The following EDA variants were observed in gnomAD, a reference collection of about 807,000 sequenced individuals.
EDA encodes ectodysplasin-A.
In EDA, 2 loss-of-function variants were observed where a neutral mutation model predicts 23.6. That is an observed-to-expected ratio of 0.08 (90% CI 0.03 to 0.27). The LOEUF (loss-of-function observed/expected upper bound fraction) is 0.27. Ranked by LOEUF, EDA falls within the 10% of genes least tolerant of loss-of-function variation. The probability of loss-of-function intolerance (pLI) is 1.00; values close to 1 mark genes in which losing one functional copy is unlikely to be tolerated. For synonymous variants in EDA, 131 were observed against 132.0 expected, an observed-to-expected ratio of 0.99 and a Z score of 0.05; for missense variants, 229 against 324.2, an observed-to-expected ratio of 0.71 and a Z score of 2.26.
At chrX:69,748,849 A>C (rs2013709785) in intron 1 of EDA, among the ~76,000 whole-genome samples, 1 of 112,113 alleles carries the variant, frequency 8.9e-6, no homozygotes, top group South Asian at 3.7e-4. Context: ...AACAGTACCC[A>C]TGTCAGTGTT....
At chrX:69,921,263 A>G (rs886739570) in intron 1 of EDA, among the ~76,000 whole-genome samples, 1 of 111,563 alleles carries the variant, frequency 9.0e-6, no homozygotes, top group Admixed American at 9.6e-5. Context: ...TGGGTATTAC[A>G]AAACAAGATC....
At chrX:69,918,164 T>C (rs968610718) in intron 1 of EDA, among the ~76,000 whole-genome samples, 1 of 94,416 alleles carries the variant, frequency 1.1e-5, no homozygotes. Context: ...TTTTTTTTTT[T>C]TTTTTTTTTC....
intron 2 of EDA, among the ~76,000 whole-genome samples, chrX:69,982,359 A>G (rs184265283): frequency 2.5e-4 from 28 of 111,443 alleles, no homozygotes; most frequent in African/African-American, 8.1e-4. Context: ...AAAGGGCTTT[A>G]CAAACCCACA....
At chrX:70,027,479 G>A (rs757750555) in intron 3 of EDA, among the ~76,000 whole-genome samples, 3 of 111,534 alleles carry the variant, frequency 2.7e-5, no homozygotes, top group South Asian at 3.8e-4. Context: ...TGTGTCCTCA[G>A]AAGTCTGTAG....
rs139051864 is a variant in EDA at position 69,880,729 on chromosome X, C to T, written c.397-76298C>T. Among the ~76,000 whole-genome samples the T allele has an allele frequency of 4.0e-4, 45 of 112,210 alleles. No individual in the cohort carries two copies. In the East Asian group the frequency reaches 0.012, roughly 29 times the overall value. ...ATGGATCATAGTTACTGGGCTTTAC[C>T]TGTTCCCATTGGGCCTTGGTTAGGG... On this transcript the variant is annotated intron_variant, in intron 1 of 7. Transcript: ENST00000374552.
At chrX:69,791,766 C>T (rs1036456582) in intron 1 of EDA, among the ~76,000 whole-genome samples, 5 of 110,160 alleles carry the variant, frequency 4.5e-5, no homozygotes, top group Non-Finnish European at 9.5e-5. Context: ...GGCTCAGGCT[C>T]CTGAGTAGCT....
intron 1 of EDA, among the ~76,000 whole-genome samples, chrX:69,706,370 T>G (rs1369666391): frequency 8.9e-6 from 1 of 111,870 alleles, no homozygotes; most frequent in Non-Finnish European, 1.9e-5. Flanking sequence ...GATGGGAAAA[T>G]AAGCAAAAAG....
intron 1 of EDA, among the ~76,000 whole-genome samples, chrX:69,897,294 G>A (rs1160352268): frequency 3.6e-5 from 4 of 111,396 alleles, no homozygotes; most frequent in Non-Finnish European, 7.5e-5. Context: ...TCATTCTTTA[G>A]CCAGAGGTAT....
In EDA at chrX:69,764,234, C is replaced by CTTTTTTTT. The variant is rs1189179243; in HGVS notation, c.396+147549_396+147556dup. Among the ~76,000 whole-genome samples the CTTTTTTTT allele has an allele frequency of 2.0e-4, 9 of 44,545 alleles. 1 individual carries two copies. Among genetic ancestry groups the CTTTTTTTT allele is most frequent in the Admixed American group, 3.9e-4 (1 of 2,547 alleles). The allele number at this position is 44,545 out of a possible 115,157, so 38.7% of individuals were successfully genotyped here. On this transcript the variant is annotated intron_variant, in intron 1 of 7. Coordinates refer to ENST00000374552, the MANE Select transcript of EDA (RefSeq NM_001399.5). ...CTACCACTCCCATTCATTTTTTATT[C>CTTTTTTTT]TTTTTTTTTTTTTTTTTTTTTTTTT...
intron 1 of EDA, among the ~76,000 whole-genome samples, chrX:69,752,253 C>G (rs899971983): frequency 9.0e-6 from 1 of 111,537 alleles, no homozygotes; most frequent in Non-Finnish European, 1.9e-5. Context: ...TACATCCCAT[C>G]AGTACCTAGT....
intron 1 of EDA, among the ~76,000 whole-genome samples, chrX:69,841,943 G>A (rs900440626): frequency 5.7e-4 from 64 of 112,156 alleles, no homozygotes; most frequent in African/African-American, 1.9e-3. Context: ...GGTTATTTCA[G>A]TCTTGTCATT....
intron 2 of EDA, among the ~76,000 whole-genome samples, chrX:69,999,437 A>G (rs2019707615): frequency 9.1e-6 from 1 of 109,660 alleles, no homozygotes. Flanking sequence ...ATATGGTGAA[A>G]CCCCATCTCT....
chrX:69,741,251 C>T (rs959623694), intron 1 of EDA, among the ~76,000 whole-genome samples: 1 of 111,024 alleles, frequency 9.0e-6, no homozygotes, highest in African/African-American at 3.3e-5. Context: ...CACACTTTAC[C>T]CATTCTTTGC....
At chrX:69,838,282 T>C (rs763924847) in intron 1 of EDA, among the ~76,000 whole-genome samples, 2 of 113,105 alleles carry the variant, frequency 1.8e-5, no homozygotes, top group African/African-American at 6.4e-5. Flanking sequence ...CTACAAATGA[T>C]CTTTACATTA....
chrX:69,957,830 T>C (rs1339864922), intron 2 of EDA, among the ~76,000 whole-genome samples: 1 of 112,171 alleles, frequency 8.9e-6, no homozygotes, highest in African/African-American at 3.2e-5. Context: ...TTACATGATG[T>C]GTTAATTCCA....
intron 1 of EDA, among the ~76,000 whole-genome samples, chrX:69,755,968 C>T (rs906275246): frequency 8.9e-6 from 1 of 112,220 alleles, no homozygotes; most frequent in African/African-American, 3.2e-5. Flanking sequence ...TCTGTCACAG[C>T]TTCCCTTTGC....
intron 1 of EDA, among the ~76,000 whole-genome samples, chrX:69,668,552 A>G (rs1425460058): frequency 9.0e-6 from 1 of 111,725 alleles, no homozygotes; most frequent in Admixed American, 9.5e-5. Context: ...TGATCTACCC[A>G]TTGAAGAAAG....
chrX:69,844,798 G>A (rs2016972664), intron 1 of EDA, among the ~76,000 whole-genome samples: 1 of 112,327 alleles, frequency 8.9e-6, no homozygotes, highest in Admixed American at 9.5e-5. Context: ...GACGAAACCT[G>A]CTGTAATGAT....
At chrX:69,849,323 T>C (rs770490186) in intron 1 of EDA, among the ~76,000 whole-genome samples, 1 of 111,978 alleles carries the variant, frequency 8.9e-6, no homozygotes, top group South Asian at 3.7e-4. Flanking sequence ...GAAAATCCCA[T>C]TGACACTTTA....
Sources: gnomAD v4.1 joint callset for allele counts (sites outside exome capture counted in the v4.1 genomes callset) on GRCh38, gnomAD v4.1.1 for gene constraint, MANE v1.5 for transcripts, NCBI Gene and HGNC (gene_info 2026-07-23, HGNC 2026-07-21) for gene names.